Variants in ACTR3C observed in about 807,000 individuals in gnomAD.
The protein encoded by ACTR3C is actin related protein 3C.
In ACTR3C, 18 loss-of-function variants were observed where a neutral mutation model predicts 26.3. The observed-to-expected ratio is 0.68, with a 90% confidence interval of 0.47 to 1.01. ACTR3C has a LOEUF of 1.01. Among genes scored for constraint, ACTR3C ranks in the 50% least tolerant of loss-of-function variants. The probability of loss-of-function intolerance (pLI) is 0.00; values close to 1 mark genes in which losing one functional copy is unlikely to be tolerated. For synonymous variants in ACTR3C, 55 were observed against 94.5 expected (o/e 0.58, Z 2.42); for missense variants, 184 against 250.7 (o/e 0.73, Z 1.80).
At chr7:150,239,009 A>C (rs950622793), downstream of ACTR3C, among the ~76,000 whole-genome samples, 2 of 152,004 alleles carry the variant, frequency 1.3e-5, no homozygotes, top group Admixed American at 1.3e-4. Context: ...TGAATTCAGC[A>C]AACTGACATC....
chr7:149,972,432 C>T, the ACTR3C span, among the ~76,000 whole-genome samples: 6 of 152,240 alleles, frequency 3.9e-5, no homozygotes, highest in African/African-American at 1.4e-4. Context: ...TTCCCATCTG[C>T]CTGCTCCCAC....
the ACTR3C span, among the ~76,000 whole-genome samples, chr7:149,965,593 C>G: frequency 2.0e-5 from 3 of 152,152 alleles, no homozygotes; most frequent in Admixed American, 6.5e-5. Context: ...CCTTTGAGAT[C>G]ATCCAGTTCA....
the ACTR3C span, among the ~76,000 whole-genome samples, chr7:150,032,147 T>G: frequency 6.6e-6 from 1 of 152,160 alleles, no homozygotes; most frequent in African/African-American, 2.4e-5. Context: ...ACAGGTAAGA[T>G]AGTGACGATG....
At chr7:150,042,340 G>A in the ACTR3C span, among the ~76,000 whole-genome samples, 13 of 121,154 alleles carry the variant, frequency 1.1e-4, no homozygotes, top group Non-Finnish European at 8.8e-5. Flanking sequence ...CCTGCCTCGC[G>A]GGGGGTGCCT....
chr7:149,887,558 G>A, the ACTR3C span, among the ~76,000 whole-genome samples: 2 of 152,184 alleles, frequency 1.3e-5, no homozygotes, highest in African/African-American at 4.8e-5. Context: ...ATATAAACTG[G>A]CTCCCAGAGC....
the ACTR3C span, among the ~76,000 whole-genome samples, chr7:150,189,337 AAT>A: frequency 2.0e-5 from 3 of 152,232 alleles, no homozygotes; most frequent in East Asian, 5.8e-4. Context: ...ACTCATCTAT[AAT>A]AGAGTTAGTT....
the ACTR3C span, among the ~76,000 whole-genome samples, chr7:150,092,958 G>A: frequency 6.6e-6 from 1 of 151,522 alleles, no homozygotes; most frequent in Non-Finnish European, 1.5e-5. Flanking sequence ...GCAAAAAGAT[G>A]GCCCTCTGAC....
intron 6 of ACTR3C, among the ~76,000 whole-genome samples, chr7:150,251,404 T>A (rs1411253205): frequency 2.0e-5 from 3 of 152,140 alleles, no homozygotes; most frequent in Non-Finnish European, 4.4e-5. Context: ...TTGAGATAAA[T>A]CAAATTTGAA....
the ACTR3C span, among the ~76,000 whole-genome samples, chr7:150,187,134 A>G: frequency 6.6e-6 from 1 of 151,508 alleles, no homozygotes; most frequent in African/African-American, 2.4e-5. Flanking sequence ...TCTTTTTTTG[A>G]TTCTCTGCTT....
chr7:150,004,072 G>C, the ACTR3C span, among the ~76,000 whole-genome samples: 1 of 149,724 alleles, frequency 6.7e-6, no homozygotes, highest in Admixed American at 6.7e-5. Flanking sequence ...TGTATGGCAT[G>C]TGGTGTGTTA....
chr7:150,035,548 A>G, the ACTR3C span, among the ~76,000 whole-genome samples: 39 of 117,474 alleles, frequency 3.3e-4, 3 homozygotes, highest in African/African-American at 1.4e-3. Context: ...CCCTCCTGCG[A>G]TGGGGGTCCG....
intron 1 of ACTR3C, among the ~76,000 whole-genome samples, chr7:150,312,580 T>G (rs2129615732): frequency 6.6e-6 from 1 of 152,218 alleles, no homozygotes. Flanking sequence ...TTAGGGCAAT[T>G]CCAAACTCAA....
the ACTR3C span, among the ~76,000 whole-genome samples, chr7:150,042,220 G>A: frequency 5.0e-4 from 12 of 24,188 alleles, 2 homozygotes; most frequent in Admixed American, 3.0e-3. Context: ...AGCAACAGCC[G>A]GGGGTGGAAG....
chr7:150,280,450 T>G (rs1478151410), intron 6 of ACTR3C, among the ~76,000 whole-genome samples: 2 of 152,218 alleles, frequency 1.3e-5, no homozygotes, highest in African/African-American at 2.4e-5. Context: ...GTTTAAAGAT[T>G]CTGAATTTTT....
At chr7:149,957,654 G>T in the ACTR3C span, among the ~76,000 whole-genome samples, 1 of 152,044 alleles carries the variant, frequency 6.6e-6, no homozygotes, top group Non-Finnish European at 1.5e-5. Flanking sequence ...GGCTTCCAGA[G>T]TTGAACTGAG....
chr7:150,041,735 G>A, the ACTR3C span, among the ~76,000 whole-genome samples: 1 of 146,044 alleles, frequency 6.8e-6, no homozygotes, highest in African/African-American at 2.6e-5. Flanking sequence ...TCCTGCGATG[G>A]GGGTCCTAAG....
the ACTR3C span, among the ~76,000 whole-genome samples, chr7:149,956,076 C>T: frequency 6.6e-6 from 1 of 152,116 alleles, no homozygotes; most frequent in Non-Finnish European, 1.5e-5. Context: ...TCCCTACTTC[C>T]AAAAAGGTTT....
At chr7:150,253,455 C>A (rs1226262608) in intron 6 of ACTR3C, among the ~76,000 whole-genome samples, 1 of 152,160 alleles carries the variant, frequency 6.6e-6, no homozygotes, top group Non-Finnish European at 1.5e-5. Flanking sequence ...ATCCTGACTT[C>A]TTTAACTAAA....
At chr7:149,889,764 G>A in the ACTR3C span, among the ~76,000 whole-genome samples, 45 of 152,210 alleles carry the variant, frequency 3.0e-4, no homozygotes, top group African/African-American at 9.9e-4. Context: ...AGGTTGAAGC[G>A]GGAGGATCAA....
Sources: gnomAD v4.1 joint callset for allele counts (sites outside exome capture counted in the v4.1 genomes callset) on GRCh38, gnomAD v4.1.1 for gene constraint, MANE v1.5 for transcripts, NCBI Gene and HGNC (gene_info 2026-07-23, HGNC 2026-07-21) for gene names.